Variants in SLC24A3 observed in about 807,000 individuals in gnomAD.
The protein encoded by SLC24A3 is solute carrier family 24 member 3, also known as sodium/potassium/calcium exchanger 3.
A neutral mutation model predicts 75.8 loss-of-function variants in SLC24A3; 28 were observed. The ratio of observed to expected loss-of-function variants is 0.37; its 90% CI spans 0.27 to 0.51. The LOEUF is 0.51. Among genes scored for constraint, SLC24A3 ranks in the 20% least tolerant of loss-of-function variants. The pLI is 0.94. For synonymous variants in SLC24A3, 372 were observed against 334.1 expected, an observed-to-expected ratio of 1.11 and a Z score of -1.24; for missense variants, 663 against 847.8, an observed-to-expected ratio of 0.78 and a Z score of 2.71.
chr20:19,322,174 C>T (rs1984722689), intron 2 of SLC24A3, among the ~76,000 whole-genome samples: 1 of 152,112 alleles, frequency 6.6e-6, no homozygotes, highest in South Asian at 2.1e-4. Context: ...TTCTCAACAA[C>T]CTTTCCCTCT....
chr20:19,289,740 C>A (rs1251661566), intron 2 of SLC24A3, among the ~76,000 whole-genome samples: 1 of 152,224 alleles, frequency 6.6e-6, no homozygotes, highest in African/African-American at 2.4e-5. Flanking sequence ...ACCCACCTGG[C>A]TCCCCACTCC....
rs532492846 is a variant in SLC24A3, at chr20:19,218,906, G to GTA, written c.142+5924_142+5925dup. Among the ~76,000 whole-genome samples, 307 of 152,222 alleles carry GTA rather than the reference G, an allele frequency of 2.0e-3. 9 individuals carry two copies. The South Asian group carries it at 0.058, about 29-fold the overall frequency. ...AGACTTTCATAATGGGGAAACTGAG[G>GTA]TATGGGGTGGTTAGAAAATGTTCCC... On this transcript the variant is annotated intron_variant, in intron 1 of 16. Transcript: ENST00000328041.
At position 19,343,087 on chromosome 20, in the gene SLC24A3, A is replaced by AG. The variant is rs35356689; in HGVS notation, c.271+62000_271+62001insG. Among the ~76,000 whole-genome samples the AG allele has an allele frequency of 8.6e-5, 12 of 139,208 alleles. 1 individual carries two copies. Among genetic ancestry groups the AG allele is most frequent in the African/African-American group, 3.6e-4 (11 of 30,912 alleles). The allele number at this position is 139,208 out of a possible 152,430, so 91.3% of individuals were successfully genotyped here. ...TCCATCTCAAAAAAAAAAAAAAAGA[A>AG]AAAAGAAAAAGAAAAAGAAAAGGCA... is the stretch of plus-strand genomic sequence containing the variant. On this transcript the variant is annotated intron_variant, in intron 2 of 16. Transcript: ENST00000328041.
intron 6 of SLC24A3, among the ~76,000 whole-genome samples, chr20:19,587,087 C>T (rs948164192): frequency 6.6e-6 from 1 of 152,186 alleles, no homozygotes; most frequent in South Asian, 2.1e-4. Context: ...AAGAGTCTGT[C>T]GCTGTTAGCA....
intron 6 of SLC24A3, among the ~76,000 whole-genome samples, chr20:19,637,615 C>T (rs140562473): frequency 3.1e-3 from 479 of 152,206 alleles, no homozygotes; most frequent in African/African-American, 0.011. Context: ...TGCTATTTAT[C>T]GTTTAATCCA....
intron 1 of SLC24A3, among the ~76,000 whole-genome samples, chr20:19,217,793 C>T (rs1981603037): frequency 6.6e-6 from 1 of 152,182 alleles, no homozygotes; most frequent in Non-Finnish European, 1.5e-5. Context: ...TCTCAGATTC[C>T]TGGCGCTTGC....
chr20:19,357,051 T>C (rs191237781), intron 2 of SLC24A3, among the ~76,000 whole-genome samples: 1 of 152,246 alleles, frequency 6.6e-6, no homozygotes, highest in African/African-American at 2.4e-5. Context: ...TTAAGGATCT[T>C]GAAATGAAGA....
At chr20:19,559,331 C>T (rs557108365) in intron 3 of SLC24A3, among the ~76,000 whole-genome samples, 5 of 152,158 alleles carry the variant, frequency 3.3e-5, no homozygotes, top group South Asian at 2.1e-4. Flanking sequence ...TTGTGTTGTA[C>T]GTATTCTTTA....
chr20:19,234,682 C>T (rs1180050993), intron 1 of SLC24A3, among the ~76,000 whole-genome samples: 1 of 152,064 alleles, frequency 6.6e-6, no homozygotes, highest in East Asian at 1.9e-4. Flanking sequence ...CACAGGAGCA[C>T]CGTGATGTCA....
At chr20:19,242,805 G>A (rs1184389093) in intron 1 of SLC24A3, among the ~76,000 whole-genome samples, 1 of 152,134 alleles carries the variant, frequency 6.6e-6, no homozygotes, top group Non-Finnish European at 1.5e-5. Context: ...GAGAGAAGTC[G>A]ATTGAACCTA....
chr20:19,386,572 T>C lies in SLC24A3; in HGVS notation c.271+105485T>C, dbSNP rs142115408. 2.6e-3 allele frequency among the ~76,000 whole-genome samples: 399 copies of C among 152,318 alleles called. 3 individuals are homozygous for C. The highest frequency in any genetic ancestry group is 2.9e-3 in the Non-Finnish European group (200 of 68,018). On this transcript the variant is annotated intron_variant, in intron 2 of 16. Coordinates refer to ENST00000328041, the MANE Select transcript of SLC24A3 (RefSeq NM_020689.4). ...GGTTTCTCATAAGTGATCTTTGTTA[T>C]GTTGAGGAAATTTTGCTCTATACCT...
At chr20:19,314,273 A>AT in intron 2 of SLC24A3, among the ~76,000 whole-genome samples, 1 of 123,534 alleles carries the variant, frequency 8.1e-6, no homozygotes, top group Admixed American at 8.3e-5. Flanking sequence ...TTTTGTTTTT[A>AT]TTTATTTATT....
intron 6 of SLC24A3, among the ~76,000 whole-genome samples, chr20:19,616,222 G>T (rs1052774340): frequency 1.3e-5 from 2 of 152,210 alleles, no homozygotes; most frequent in African/African-American, 2.4e-5. Flanking sequence ...GTGGATGTGG[G>T]CCTTCCAGGA....
intron 2 of SLC24A3, among the ~76,000 whole-genome samples, chr20:19,349,649 G>T (rs559772749): frequency 6.6e-6 from 1 of 152,282 alleles, no homozygotes; most frequent in East Asian, 1.9e-4. Flanking sequence ...GTTTTCTGGA[G>T]GCCCCCAGCA....
intron 2 of SLC24A3, among the ~76,000 whole-genome samples, chr20:19,482,328 C>T (rs891937161): frequency 2.0e-5 from 3 of 152,130 alleles, no homozygotes; most frequent in Admixed American, 2.0e-4. Flanking sequence ...CCATGTTGTC[C>T]TCCCTCCCCC....
chr20:19,630,427 A>T (rs1416739720), intron 6 of SLC24A3, among the ~76,000 whole-genome samples: 2 of 152,254 alleles, frequency 1.3e-5, no homozygotes, highest in Admixed American at 1.3e-4. Flanking sequence ...TGTAATCTTC[A>T]GGTCATCTGC....
At chr20:19,320,650 T>G (rs1984686230) in intron 2 of SLC24A3, among the ~76,000 whole-genome samples, 2 of 152,084 alleles carry the variant, frequency 1.3e-5, no homozygotes, top group Admixed American at 1.3e-4. Flanking sequence ...TTCAGGGGAT[T>G]TGTTCCAGGA....
At chr20:19,600,054 G>A (rs1386332863) in intron 6 of SLC24A3, among the ~76,000 whole-genome samples, 3 of 152,192 alleles carry the variant, frequency 2.0e-5, no homozygotes, top group African/African-American at 7.2e-5. Flanking sequence ...CAGGAGCCAG[G>A]TTGAAGGCCC....
At chr20:19,563,619 G>A (rs2030912948) in intron 3 of SLC24A3, among the ~76,000 whole-genome samples, 1 of 152,182 alleles carries the variant, frequency 6.6e-6, no homozygotes, top group African/African-American at 2.4e-5. Flanking sequence ...GGCGTCCTGT[G>A]TCTCAGGCCT....
Sources: gnomAD v4.1 joint callset for allele counts (sites outside exome capture counted in the v4.1 genomes callset) on GRCh38, gnomAD v4.1.1 for gene constraint, MANE v1.5 for transcripts, NCBI Gene and HGNC (gene_info 2026-07-23, HGNC 2026-07-21) for gene names.